The following IARS2 variants were observed in gnomAD, a reference collection of about 807,000 sequenced individuals.
IARS2 encodes isoleucyl-tRNA synthetase 2, mitochondrial, also known as isoleucine--tRNA ligase, mitochondrial.
A neutral mutation model predicts 126.3 loss-of-function variants in IARS2; 56 were observed. The ratio of observed to expected loss-of-function variants is 0.44; its 90% confidence interval spans 0.36 to 0.55. The LOEUF is 0.55. IARS2 is among the 20% of genes least tolerant of loss of function. IARS2 has a pLI of 0.00. For synonymous variants in IARS2, 407 were observed against 441.1 expected, an observed-to-expected ratio of 0.92 and a Z score of 0.97; for missense variants, 1,127 against 1,245.9, an observed-to-expected ratio of 0.90 and a Z score of 1.44.
At chr1:220,134,576 C>A in intron 15 of IARS2, 66 bp downstream of exon 15, 1 of 898,986 alleles carries the variant, frequency 1.1e-6, no homozygotes, top group Non-Finnish European at 1.7e-6. Flanking sequence ...ATGCTGAGTA[C>A]TACAGAGATG....
Position 220,126,333 on chromosome 1 carries a change from A to G in IARS2, c.1744-417A>G, listed in dbSNP as rs116331785. On this transcript the variant is annotated intron_variant, in intron 13 of 22. Coordinates refer to ENST00000366922, the MANE Select transcript of IARS2 (RefSeq NM_018060.4). ...ATAAAGTAGTGGAATGTGAGGGTCA[A>G]TTGTTATCTCATTGAGGGCCAGGAT... 2.4e-3 allele frequency among the ~76,000 whole-genome samples: 362 copies of G among 152,136 alleles called. 2 individuals are homozygous for G. Among genetic ancestry groups the G allele is most frequent in the African/African-American group, 7.7e-3 (320 of 41,538 alleles).
rs1262033373 is a variant in IARS2, at chr1:220,125,368, TTGTA to T, written c.1743+35_1743+38del. ...AATTTCTGTTTGTATTTAACAGCCT[TTGTA>T]TGTATTACAGGACTTAATGACAACA... On this transcript the variant is annotated intron_variant, in intron 13 of 22. Coordinates refer to ENST00000366922, the MANE Select transcript of IARS2 (RefSeq NM_018060.4). 6 of 1,346,802 alleles carry T rather than the reference TTGTA, an allele frequency of 4.5e-6. No homozygotes were observed. In the African/African-American group the frequency reaches 7.2e-5, roughly 16 times the overall value. 83.4% of individuals were successfully genotyped at this position (1,346,802 alleles called of 1,614,324 possible). A position where few individuals can be genotyped will look rare whatever the true frequency, so the allele number is the denominator to read the frequency against.
chr1:220,142,823 T>A (rs187885104), intron 20 of IARS2, 121 bp from the exon 21 acceptor site: 460 of 566,934 alleles, frequency 8.1e-4, no homozygotes, highest in Non-Finnish European at 9.5e-4. Context: ...TAATATTTCA[T>A]CACTTGATTA....
chr1:220,104,179 G>A (rs570148970), intron 8 of IARS2, among the ~76,000 whole-genome samples: 2 of 152,324 alleles, frequency 1.3e-5, no homozygotes, highest in African/African-American at 4.8e-5. Context: ...TTCTTGTTGT[G>A]TAGCCCAGAC....
intron 14 of IARS2, among the ~76,000 whole-genome samples, chr1:220,128,669 GAA>G (rs1462520455): frequency 6.6e-6 from 1 of 152,194 alleles, no homozygotes; most frequent in Non-Finnish European, 1.5e-5. Flanking sequence ...CTGAATTTCA[GAA>G]AAGAGTATGC....
rs1558127088 is a variant in IARS2 at position 220,125,252 on chromosome 1, T to C, written c.1656T>C (p.His552=). Reference sequence around the variant, plus strand: ...CCTGAAATAGCCAAACCACTGAGCATATTGTTAAACTAGTGGAACAACACG... The same window carrying C: ...CCTGAAATAGCCAAACCACTGAGCACATTGTTAAACTAGTGGAACAACACG... ...EYLINSQTTE[H]IVKLVEQHGS... is the part of the protein sequence containing the mutation. The change falls in exon 13 of 23, where the codon CAT becomes CAC. Residue 552 remains histidine (H), a synonymous_variant. Transcript: ENST00000366922. The C allele has an allele frequency of 4.3e-6, 7 of 1,612,070 alleles. No individual in the cohort carries two copies. Among genetic ancestry groups the C allele is most frequent in the Non-Finnish European group, 5.1e-6 (6 of 1,178,382 alleles).
intron 12 of IARS2, among the ~76,000 whole-genome samples, chr1:220,121,931 G>A (rs1033042726): frequency 2.0e-5 from 3 of 152,074 alleles, no homozygotes; most frequent in South Asian, 2.1e-4. Context: ...CATCTCTAGA[G>A]GGGGGGAAAG....
chr1:220,117,732 C>A (rs1656956553), intron 12 of IARS2: 2 of 416,028 alleles, frequency 4.8e-6, no homozygotes, highest in South Asian at 1.9e-5. Context: ...CAGAAAAACA[C>A]AAGTTTTCAT....
At chr1:220,144,142 T>C (rs1294904827) in intron 21 of IARS2, 1 of 813,926 alleles carries the variant, frequency 1.2e-6, no homozygotes, top group Admixed American at 1.7e-5. Flanking sequence ...TCCACACTTG[T>C]TTAGCCTGCC....
At chr1:220,128,548 G>A (rs1420648474) in intron 14 of IARS2, among the ~76,000 whole-genome samples, 1 of 152,130 alleles carries the variant, frequency 6.6e-6, no homozygotes. Flanking sequence ...ACATTTCTCA[G>A]AGCATATCTC....
intron 15 of IARS2, among the ~76,000 whole-genome samples, chr1:220,136,036 G>A (rs1470508295): frequency 6.6e-6 from 1 of 152,094 alleles, no homozygotes; most frequent in Non-Finnish European, 1.5e-5. Flanking sequence ...CATAGCAGAA[G>A]CTCAGAAAAT....
In IARS2 at chr1:220,138,085, T is replaced by A. The variant is rs763404169; in HGVS notation, c.2175+42T>A. 9 of 1,591,000 alleles carry A rather than the reference T, an allele frequency of 5.7e-6. No individual in the cohort carries two copies. In the South Asian group the frequency reaches 7.8e-5, roughly 14 times the overall value. ...TTCCTATTTCTAAAGGACAAGTTTG[T>A]CAAATCATTGTTTTAAAAAATGAGA... is the stretch of plus-strand genomic sequence containing the variant. On this transcript the variant is annotated intron_variant, in intron 17 of 22. Transcript: ENST00000366922.
chr1:220,099,484 C>T (rs913932956), intron 2 of IARS2, among the ~76,000 whole-genome samples: 2 of 152,038 alleles, frequency 1.3e-5, no homozygotes, highest in Non-Finnish European at 2.9e-5. Flanking sequence ...CGGACTAGCA[C>T]CAAAAATCAC....
intron 8 of IARS2, 39 bp from the exon 9 acceptor site, chr1:220,105,852 T>C (rs1479215227): frequency 6.4e-6 from 10 of 1,564,488 alleles, no homozygotes; most frequent in Non-Finnish European, 8.8e-6. Flanking sequence ...AGATTTGCCA[T>C]ATAAAATGAT....
intron 11 of IARS2, among the ~76,000 whole-genome samples, chr1:220,113,335 G>T (rs751997505): frequency 2.6e-5 from 4 of 152,170 alleles, no homozygotes; most frequent in Non-Finnish European, 5.9e-5. Flanking sequence ...CCAATAGGTG[G>T]TGCTACAGAG....
rs1656390273 is a variant in IARS2 at position 220,094,303 on chromosome 1, C to T, written c.87C>T (p.Cys29=). 1 of 1,612,150 alleles carries T rather than the reference C, an allele frequency of 6.2e-7. No individual in the cohort carries two copies. Among genetic ancestry groups the T allele is most frequent in the African/African-American group, 1.3e-5 (1 of 74,782 alleles). ...TGTGGGGGACGCCCCGCCTTCCCTGCAGCCCGGGATGGCAAGGGGCGACGA... is the reference window on the plus strand; with the variant it reads ...TGTGGGGGACGCCCCGCCTTCCCTGTAGCCCGGGATGGCAAGGGGCGACGA... ...RSLWGTPRLP[C]SPGWQGATKR... The change falls in exon 1 of 23, where the codon TGC becomes TGT. Residue 29 remains cysteine (C), a synonymous_variant. Transcript: ENST00000366922.
chr1:220,132,750 T>C (rs1657295605), intron 14 of IARS2, among the ~76,000 whole-genome samples: 1 of 152,078 alleles, frequency 6.6e-6, no homozygotes, highest in Non-Finnish European at 1.5e-5. Flanking sequence ...GGTCTTGAAC[T>C]CCTGACCTCG....
rs375412572 is a variant in IARS2 at position 220,126,355 on chromosome 1, GGATT to G, written c.1744-387_1744-384del. On this transcript the variant is annotated intron_variant, in intron 13 of 22. Transcript: ENST00000366922. The stretch of plus-strand genomic sequence containing the variant: ...TCAATTGTTATCTCATTGAGGGCCA[GGATT>G]GATTGATGTTGACTGATTTGGTTGA... 5.0e-3 allele frequency among the ~76,000 whole-genome samples: 764 copies of G among 152,220 alleles called. 2 individuals carry two copies. Among genetic ancestry groups the G allele is most frequent in the Middle Eastern group, 0.01 (3 of 294 alleles).
chr1:220,146,516 T>G (rs1369032841), intron 22 of IARS2, among the ~76,000 whole-genome samples: 1 of 29,014 alleles, frequency 3.4e-5, no homozygotes, highest in African/African-American at 2.5e-4. Context: ...AGACTCCGTC[T>G]CAAAAAAAAA....
Sources: allele counts gnomAD v4.1 joint callset (sites outside exome capture counted in the v4.1 genomes callset), GRCh38; gene constraint gnomAD v4.1.1; transcripts MANE v1.5; gene names NCBI Gene and HGNC (gene_info 2026-07-23, HGNC 2026-07-21).